The following SNTA1 variants were observed in gnomAD, a reference collection of about 807,000 sequenced individuals.
The protein encoded by SNTA1 is alpha-1-syntrophin.
SNTA1 carries 31 observed loss-of-function variants against 47.1 expected under a neutral mutation model. The ratio of observed to expected loss-of-function variants is 0.66; its 90% CI spans 0.49 to 0.89. The LOEUF (loss-of-function observed/expected upper bound fraction) is 0.89. Ranked by LOEUF, SNTA1 falls within the 40% of genes least tolerant of loss-of-function variation. SNTA1 has a pLI of 0.00. For synonymous variants in SNTA1, 300 were observed against 313.6 expected (o/e 0.96, Z 0.46); for missense variants, 575 against 693.0 (o/e 0.83, Z 1.91).
At chr20:33,409,402 G>A (rs1303196047) in intron 6 of SNTA1, among the ~76,000 whole-genome samples, 2 of 151,942 alleles carry the variant, frequency 1.3e-5, no homozygotes, top group South Asian at 2.1e-4. Flanking sequence ...AAAACCCCAG[G>A]GAGAAGAGTC....
At chr20:33,413,045 C>T (rs1005889667) in intron 3 of SNTA1, among the ~76,000 whole-genome samples, 2 of 152,192 alleles carry the variant, frequency 1.3e-5, no homozygotes, top group Non-Finnish European at 2.9e-5. Context: ...GAGCCTCGCT[C>T]TGTCACCCAG....
At chr20:33,429,035 G>A (rs1027792487) in intron 2 of SNTA1, among the ~76,000 whole-genome samples, 6 of 150,784 alleles carry the variant, frequency 4.0e-5, no homozygotes, top group African/African-American at 7.3e-5. Flanking sequence ...AGCAAGACTC[G>A]GTCTCAAAAA....
intron 3 of SNTA1, among the ~76,000 whole-genome samples, chr20:33,415,627 CAAA>C (rs113151357): frequency 7.5e-6 from 1 of 133,634 alleles, no homozygotes. Context: ...TGCTAAAATA[CAAA>C]AAAAAAAAAA....
chr20:33,424,306 C>T (rs1437844513), intron 2 of SNTA1, among the ~76,000 whole-genome samples: 2 of 144,808 alleles, frequency 1.4e-5, no homozygotes, highest in South Asian at 2.2e-4. Context: ...AAGAGTGAAA[C>T]GCCATCTCAA....
intron 2 of SNTA1, among the ~76,000 whole-genome samples, chr20:33,428,004 G>T (rs6087488): frequency 0.43 from 64,452 of 151,618 alleles, 14,538 homozygotes; most frequent in Non-Finnish European, 0.51. Flanking sequence ...AGTGCACTCC[G>T]GCCTCGAATT....
At chr20:33,427,719 C>G (rs1435226665) in intron 2 of SNTA1, among the ~76,000 whole-genome samples, 1 of 152,060 alleles carries the variant, frequency 6.6e-6, no homozygotes, top group Admixed American at 6.6e-5. Flanking sequence ...GCGCTATTGT[C>G]CATCCTGCAA....
At position 33,417,848 on chromosome 20, in the gene SNTA1, G is replaced by A; in HGVS notation, c.572C>T (p.Pro191Leu). The change falls in exon 3 of 8, where the codon CCT becomes CTT. Residue 191 changes from proline (P) to leucine (L), a missense_variant. Coordinates refer to ENST00000217381, the MANE Select transcript of SNTA1 (RefSeq NM_003098.3). ...GGTSVGWDSPPASPLQRQPSS... is the reference protein window; with the variant it reads ...GGTSVGWDSPLASPLQRQPSS... Reference sequence around the variant, plus strand: ...AGGCTGCCGCTGAAGGGGTGAGGCAGGAGGTGAGTCCCAGCCGACCGAGGT... The same window carrying A: ...AGGCTGCCGCTGAAGGGGTGAGGCAAGAGGTGAGTCCCAGCCGACCGAGGT... The A allele has an allele frequency of 3.1e-6, 5 of 1,614,102 alleles. No individual in the cohort carries two copies. Among genetic ancestry groups the A allele is most frequent in the African/African-American group, 1.3e-5 (1 of 75,050 alleles).
At chr20:33,422,653 T>A (rs1382947506) in intron 2 of SNTA1, among the ~76,000 whole-genome samples, 1 of 151,888 alleles carries the variant, frequency 6.6e-6, no homozygotes, top group Non-Finnish European at 1.5e-5. Context: ...GTGGTGTGCA[T>A]CTGTAGTCCT....
chr20:33,431,937 A>G (rs941954898), intron 2 of SNTA1, among the ~76,000 whole-genome samples: 25 of 152,320 alleles, frequency 1.6e-4, no homozygotes, highest in African/African-American at 4.3e-4. Context: ...GAGGCCCACA[A>G]GACATTTTAA....
intron 3 of SNTA1, among the ~76,000 whole-genome samples, chr20:33,415,046 G>A (rs933057973): frequency 1.2e-4 from 18 of 152,164 alleles, no homozygotes; most frequent in Non-Finnish European, 2.6e-4. Flanking sequence ...CACTGACAGT[G>A]GGCCATATGG....
At chr20:33,414,659 C>T (rs1989831283) in intron 3 of SNTA1, among the ~76,000 whole-genome samples, 1 of 152,156 alleles carries the variant, frequency 6.6e-6, no homozygotes, top group Admixed American at 6.6e-5. Context: ...TGTGATACAG[C>T]AACAGATAGC....
intron 2 of SNTA1, among the ~76,000 whole-genome samples, chr20:33,428,625 A>T (rs1990220687): frequency 6.6e-6 from 1 of 151,762 alleles, no homozygotes; most frequent in Non-Finnish European, 1.5e-5. Context: ...CCCAGATTAG[A>T]GTACAGTGGC....
At chr20:33,414,034 T>C (rs1484824654) in intron 3 of SNTA1, among the ~76,000 whole-genome samples, 1 of 147,724 alleles carries the variant, frequency 6.8e-6, no homozygotes, top group East Asian at 2.0e-4. Flanking sequence ...AGGTAGGGAG[T>C]TCAAGACCAG....
At position 33,443,496 on chromosome 20, in the gene SNTA1, A is replaced by T; in HGVS notation, c.125T>A (p.Val42Glu). 7.3e-7 allele frequency: 1 copy of T among 1,378,474 alleles called. No individual in the cohort carries two copies. The highest frequency in any genetic ancestry group is 9.4e-7 in the Non-Finnish European group (1 of 1,060,936). 85.4% of individuals were successfully genotyped at this position (1,378,474 alleles called of 1,614,324 possible). A position where few individuals can be genotyped will look rare whatever the true frequency, so the allele number is the denominator to read the frequency against. ...LLSLAEDVLT[V>E]SPADGDPGPE... ...ACCAGGGTCGCCGTCGGCGGGGCTC[A>T]CGGTCAGCACGTCCTCCGCCAGACT... The change falls in exon 1 of 8, where the codon GTG (valine) becomes GAG (glutamate). Residue 42 changes from valine to glutamate, a missense_variant. Coordinates refer to ENST00000217381, the MANE Select transcript of SNTA1 (RefSeq NM_003098.3).
chr20:33,421,821 GTA>G (rs1990029271), intron 2 of SNTA1, among the ~76,000 whole-genome samples: 1 of 151,116 alleles, frequency 6.6e-6, no homozygotes, highest in Admixed American at 6.6e-5. Flanking sequence ...GCCAGGCATG[GTA>G]GTGTGCGCCT....
At chr20:33,434,712 T>G (rs1207622173) in intron 2 of SNTA1, among the ~76,000 whole-genome samples, 1 of 152,086 alleles carries the variant, frequency 6.6e-6, no homozygotes, top group Non-Finnish European at 1.5e-5. Flanking sequence ...TTTTTTTTTT[T>G]TTTCCTACAG....
chr20:33,409,900 C>T (rs1989695926), intron 6 of SNTA1, among the ~76,000 whole-genome samples: 1 of 151,950 alleles, frequency 6.6e-6, no homozygotes, highest in African/African-American at 2.4e-5. Flanking sequence ...CAAAGTGCTG[C>T]GATTACAGGC....
intron 1 of SNTA1, among the ~76,000 whole-genome samples, chr20:33,441,385 A>T (rs1201711059): frequency 6.6e-6 from 1 of 152,158 alleles, no homozygotes; most frequent in Non-Finnish European, 1.5e-5. Context: ...AATACTGAAG[A>T]TGAAGAATTA....
Position 33,443,703 on chromosome 20 carries a change from G to T in SNTA1, c.-83C>A. On this transcript the variant is annotated 5_prime_UTR_variant, in exon 1 of 8. Transcript: ENST00000217381. The stretch of plus-strand genomic sequence containing the variant: ...CTCCGACCAAGCGCCCAGGGCAGAG[G>T]GCAGCGGGGGCCCGGCTGGGCCAGC... 1.1e-6 allele frequency: 1 copy of T among 880,124 alleles called. No homozygotes were observed. Among genetic ancestry groups the T allele is most frequent in the Non-Finnish European group, 1.4e-6 (1 of 698,980 alleles). 54.5% of individuals were successfully genotyped at this position (880,124 alleles called of 1,614,324 possible).
Sources: gnomAD v4.1 joint callset for allele counts (sites outside exome capture counted in the v4.1 genomes callset) on GRCh38, gnomAD v4.1.1 for gene constraint, MANE v1.5 for transcripts, NCBI Gene and HGNC (gene_info 2026-07-23, HGNC 2026-07-21) for gene names.